IGSF11: variants seen among roughly 807,000 people sequenced by gnomAD.
IGSF11 encodes the protein immunoglobulin superfamily member 11.
A neutral mutation model predicts 41.0 loss-of-function variants in IGSF11; 22 were observed. That is an observed-to-expected ratio of 0.54 (90% CI 0.38 to 0.77). IGSF11 has a LOEUF of 0.77. Ranked by LOEUF, IGSF11 falls within the 30% of genes least tolerant of loss-of-function variation. IGSF11 has a pLI of 0.00. For synonymous variants in IGSF11, 219 were observed against 201.3 expected, an observed-to-expected ratio of 1.09 and a Z score of -0.74; for missense variants, 444 against 530.8, an observed-to-expected ratio of 0.84 and a Z score of 1.61.
chr3:119,083,504 TCACACA>T (rs58353612), intron 1 of IGSF11, among the ~76,000 whole-genome samples: 5,288 of 148,590 alleles, frequency 0.036, 145 homozygotes, highest in South Asian at 0.12. Flanking sequence ...ACCACAAAGA[TCACACA>T]CACACACACA....
intron 4 of IGSF11, among the ~76,000 whole-genome samples, chr3:118,907,816 T>C (rs547070633): frequency 2.6e-4 from 39 of 152,348 alleles, no homozygotes; most frequent in Admixed American, 2.4e-3. Context: ...ATACTCACCA[T>C]ACATACACTT....
intron 1 of IGSF11, among the ~76,000 whole-genome samples, chr3:118,990,269 G>A (rs903403053): frequency 6.6e-6 from 1 of 152,226 alleles, no homozygotes; most frequent in South Asian, 2.1e-4. Context: ...ATACAGACCA[G>A]TTGTGAACAT....
At chr3:118,958,044 G>A (rs1289678365) in intron 1 of IGSF11, among the ~76,000 whole-genome samples, 1 of 152,146 alleles carries the variant, frequency 6.6e-6, no homozygotes, top group Non-Finnish European at 1.5e-5. Context: ...ATACAAAAGT[G>A]GAAGTTCAGA....
chr3:119,023,035 G>A (rs2107716454), intron 1 of IGSF11, among the ~76,000 whole-genome samples: 1 of 152,212 alleles, frequency 6.6e-6, no homozygotes, highest in South Asian at 2.1e-4. Context: ...GTTGAGGCAG[G>A]AGGATCACCT....
At position 118,927,482 on chromosome 3, in the gene IGSF11, T is replaced by C. The variant is rs565875842; in HGVS notation, c.424+1027A>G. On this transcript the variant is annotated intron_variant, in intron 3 of 6. Transcript: ENST00000393775. Reference sequence around the variant, plus strand: ...AATTTTTAATATAATACAATGAATATGGTTTTGAGAATAGAAATCCCCGAC... The same window carrying C: ...AATTTTTAATATAATACAATGAATACGGTTTTGAGAATAGAAATCCCCGAC... Among the ~76,000 whole-genome samples, 7 of 152,302 alleles carry C rather than the reference T, an allele frequency of 4.6e-5. No homozygotes were observed. In the South Asian group the frequency reaches 8.3e-4, roughly 18 times the overall value.
At chr3:119,024,318 T>C (rs1559807427) in intron 1 of IGSF11, among the ~76,000 whole-genome samples, 1 of 152,216 alleles carries the variant, frequency 6.6e-6, no homozygotes. Flanking sequence ...AAATTTCTTT[T>C]ACTATTAATA....
chr3:119,144,584 G>A (rs2077694271), intron 1 of IGSF11, among the ~76,000 whole-genome samples: 1 of 151,950 alleles, frequency 6.6e-6, no homozygotes, highest in Non-Finnish European at 1.5e-5. Context: ...CACAGAAAAT[G>A]AGAAAATATC....
At chr3:119,067,167 T>G (rs1354533832) in intron 1 of IGSF11, among the ~76,000 whole-genome samples, 1 of 152,200 alleles carries the variant, frequency 6.6e-6, no homozygotes, top group Admixed American at 6.5e-5. Context: ...TAATGTTATC[T>G]TTCACCAAAG....
chr3:119,096,429 C>A (rs2107500725), intron 1 of IGSF11, among the ~76,000 whole-genome samples: 1 of 151,924 alleles, frequency 6.6e-6, no homozygotes, highest in South Asian at 2.1e-4. Context: ...GTTATAAATT[C>A]TTAAAATGAA....
intron 1 of IGSF11, among the ~76,000 whole-genome samples, chr3:119,090,057 C>T (rs188048190): frequency 1.4e-3 from 218 of 152,080 alleles, no homozygotes; most frequent in African/African-American, 5.0e-3. Context: ...AAAAAAGATA[C>T]AAAGTCAATA....
At chr3:118,930,037 C>G (rs1451113627) in intron 2 of IGSF11, 75 bp downstream of exon 2, 2 of 1,443,502 alleles carry the variant, frequency 1.4e-6, no homozygotes, top group African/African-American at 2.8e-5. Context: ...CAAAGATGTA[C>G]TCATGATGCT....
rs183988664 is a variant in IGSF11 at position 119,110,498 on chromosome 3, T to C, written c.-13-5293A>G. Among the ~76,000 whole-genome samples the C allele has an allele frequency of 2.4e-4, 37 of 152,360 alleles. 1 individual carries two copies. In the East Asian group the frequency reaches 6.9e-3, roughly 29 times the overall value. ...CCTATGTGTGTCTCTGCACGTGAGA[T>C]GGCTTTCCTGAATACAGCACACTGA... On this transcript the variant is annotated intron_variant, in intron 1 of 7. Transcript: ENST00000425327.
At chr3:118,969,521 T>G (rs1933131835) in intron 1 of IGSF11, among the ~76,000 whole-genome samples, 1 of 152,154 alleles carries the variant, frequency 6.6e-6, no homozygotes, top group African/African-American at 2.4e-5. Context: ...GGCCATGTAT[T>G]ACCAACAGCC....
In IGSF11 at chr3:119,086,390, C is replaced by T. The variant is rs368208774; in HGVS notation, c.49+18754G>A. Among the ~76,000 whole-genome samples, 9 of 151,900 alleles carry T rather than the reference C, an allele frequency of 5.9e-5. No individual in the cohort carries two copies. The South Asian group carries it at 6.2e-4, about 11-fold the overall frequency. On this transcript the variant is annotated intron_variant, in intron 1 of 6. Coordinates refer to the IGSF11 transcript ENST00000354673. The stretch of plus-strand genomic sequence containing the variant: ...TGCAAATACAAGAAATACAGAAAAA[C>T]GTGGCCAGACACTACACAAGTCACC...
chr3:119,044,474 T>C (rs900315577), intron 1 of IGSF11, among the ~76,000 whole-genome samples: 8 of 152,040 alleles, frequency 5.3e-5, no homozygotes, highest in African/African-American at 1.9e-4. Context: ...TCTAAAAGTT[T>C]GGAAAAAGTA....
At chr3:118,995,395 C>G (rs1195941035) in intron 1 of IGSF11, among the ~76,000 whole-genome samples, 1 of 152,104 alleles carries the variant, frequency 6.6e-6, no homozygotes, top group African/African-American at 2.4e-5. Context: ...AGAACCCTGA[C>G]AGCTCAGCAG....
At chr3:119,118,902 T>TA in intron 1 of IGSF11, among the ~76,000 whole-genome samples, 1 of 152,258 alleles carries the variant, frequency 6.6e-6, no homozygotes, top group Non-Finnish European at 1.5e-5. Context: ...GTCTCTGTGC[T>TA]AAAATGTAAC....
At chr3:118,921,878 C>G (rs1411432283) in intron 4 of IGSF11, among the ~76,000 whole-genome samples, 1 of 151,984 alleles carries the variant, frequency 6.6e-6, no homozygotes, top group African/African-American at 2.4e-5. Context: ...AAGAGCAAGG[C>G]AAATTTTAGT....
At chr3:119,126,225 C>A (rs2077403512) in intron 1 of IGSF11, among the ~76,000 whole-genome samples, 1 of 152,244 alleles carries the variant, frequency 6.6e-6, no homozygotes, top group Non-Finnish European at 1.5e-5. Flanking sequence ...CAATACTTGT[C>A]CCCACAGCCT....
Sources: gnomAD v4.1 joint callset for allele counts (sites outside exome capture counted in the v4.1 genomes callset) on GRCh38, gnomAD v4.1.1 for gene constraint, MANE v1.5 for transcripts, NCBI Gene and HGNC (gene_info 2026-07-23, HGNC 2026-07-21) for gene names.